Variants in HTN3 observed in about 807,000 individuals in gnomAD.
HTN3 encodes the protein histatin 3, also known as histatin-3.
In HTN3, 15 loss-of-function variants were observed where a neutral mutation model predicts 10.6. That is an observed-to-expected ratio of 1.42 (90% CI 0.95 to 2.18). HTN3 has a LOEUF of 2.18. Among genes scored for constraint, HTN3 ranks in the 30% most tolerant of loss-of-function variants. HTN3 has a pLI of 0.00. For synonymous variants in HTN3, 15 were observed against 16.9 expected (o/e 0.89, Z 0.27); for missense variants, 68 against 58.0 (o/e 1.17, Z -0.56).
intron 4 of HTN3, 80 bp downstream of exon 4, chr4:70,032,187 A>C: frequency 2.2e-6 from 2 of 899,630 alleles, no homozygotes; most frequent in Non-Finnish European, 3.5e-6. Context: ...ATTGATAGTT[A>C]TCTCTCAAAT....
intron 2 of HTN3, chr4:70,031,455 A>G (rs1279415514): frequency 6.5e-6 from 1 of 153,918 alleles, no homozygotes; most frequent in Admixed American, 6.5e-5. Flanking sequence ...GAATACTAAT[A>G]CTTCAACCTA....
Position 70,033,172 on chromosome 4 carries a change from G to T in HTN3, c.108G>T (p.Lys36Asn), listed in dbSNP as rs778142790. The change falls in exon 5 of 6, where the codon AAG (lysine) becomes AAT (asparagine). Residue 36 changes from lysine (K) to asparagine (N), a missense_variant. By Grantham distance (94) the Lys-to-Asn change is moderately conservative. Transcript: ENST00000673563. ...HHGYKRKFHE[K>N]HHSHRGYRSN... ...CTCCTTTTGTGTGTATGCAGGAAAAGCATCATTCACATCGAGGCTATAGAT... is the reference window on the plus strand; with the variant it reads ...CTCCTTTTGTGTGTATGCAGGAAAATCATCATTCACATCGAGGCTATAGAT... The T allele has an allele frequency of 6.2e-7, 1 of 1,605,630 alleles. No homozygotes were observed. Among genetic ancestry groups the T allele is most frequent in the Admixed American group, 1.7e-5 (1 of 59,590 alleles).
chr4:70,033,330 C>G (rs548868061), intron 5 of HTN3, 77 bp downstream of exon 5: 2 of 683,558 alleles, frequency 2.9e-6, no homozygotes, highest in African/African-American at 1.9e-5. Flanking sequence ...TAAAAAAAAG[C>G]CATTAAGCCA....
chr4:70,030,578 A>T, intron 1 of HTN3, 150 bp from the exon 2 acceptor site: 1 of 612,030 alleles, frequency 1.6e-6, no homozygotes, highest in Non-Finnish European at 3.0e-6. Context: ...GTGGTCCAGG[A>T]TGCAGTGATC....
intron 1 of HTN3, among the ~76,000 whole-genome samples, chr4:70,029,405 A>G (rs764070814): frequency 3.3e-5 from 5 of 152,072 alleles, no homozygotes; most frequent in Admixed American, 6.5e-5. Context: ...AAATGAATGA[A>G]GAAATAATAA....
At chr4:70,029,496 C>T (rs963834189) in intron 1 of HTN3, among the ~76,000 whole-genome samples, 11 of 151,790 alleles carry the variant, frequency 7.2e-5, no homozygotes, top group African/African-American at 1.5e-4. Flanking sequence ...AGATGAAAAA[C>T]GTTACTGTAA....
At chr4:70,029,338 T>C (rs189073829) in intron 1 of HTN3, among the ~76,000 whole-genome samples, 98 of 152,054 alleles carry the variant, frequency 6.4e-4, no homozygotes, top group African/African-American at 2.2e-3. Flanking sequence ...CTTCAAGAAA[T>C]ATATAATTTT....
chr4:70,030,907 C>A lies in HTN3; in HGVS notation c.51+116C>A, dbSNP rs1725370204. Reference sequence around the variant, plus strand: ...TCACCTCAATACAGCTTTAATATTTCTATGTAAAGATTTTCCTTGAATTAA... The same window carrying A: ...TCACCTCAATACAGCTTTAATATTTATATGTAAAGATTTTCCTTGAATTAA... On this transcript the variant is annotated intron_variant, in intron 2 of 5. Transcript: ENST00000673563. 1.4e-5 allele frequency: 11 copies of A among 790,944 alleles called. No homozygotes were observed. The South Asian group carries it at 1.7e-4, about 12-fold the overall frequency. The allele number at this position is 790,944 out of a possible 1,614,324, so 49.0% of individuals were successfully genotyped here.
chr4:70,035,273 A>G (rs1186276130), intron 5 of HTN3, among the ~76,000 whole-genome samples: 2 of 152,150 alleles, frequency 1.3e-5, no homozygotes, highest in African/African-American at 4.8e-5. Context: ...CCTGACCCTG[A>G]CAACTAGTTT....
chr4:70,031,376 T>C (rs549288192), intron 2 of HTN3: 1 of 153,520 alleles, frequency 6.5e-6, no homozygotes, highest in Non-Finnish European at 1.4e-5. Flanking sequence ...TTTCTCCTTC[T>C]CTACTTTCTC....
chr4:70,035,559 T>C (rs1725496186), intron 5 of HTN3, among the ~76,000 whole-genome samples: 1 of 152,210 alleles, frequency 6.6e-6, no homozygotes, highest in African/African-American at 2.4e-5. Flanking sequence ...TTACGTTTTA[T>C]GCCTAAGTAA....
rs1725519613 is a variant in HTN3, at chr4:70,036,525, C to CG, written c.*292_*293insG. On this transcript the variant is annotated 3_prime_UTR_variant, in exon 6 of 6. Transcript: ENST00000673563. ...CTCTCCAAAAGCAATAAAATTCAAG[C>CG]ACATTATTATGTGTATGCTCTTTAT... 6.6e-6 allele frequency: 1 copy of CG among 152,130 alleles called. No homozygotes were observed. The highest frequency in any genetic ancestry group is 6.5e-5 in the Admixed American group (1 of 15,270). The allele number at this position is 152,130 out of a possible 1,614,324, so 9.4% of individuals were successfully genotyped here. A position where few individuals can be genotyped will look rare whatever the true frequency, so the allele number is the denominator to read the frequency against.
rs755968352 is a variant in HTN3 at position 70,030,723 on chromosome 4, T to C, written c.-13-5T>C. On this transcript the variant is annotated splice_region_variant and splice_polypyrimidine_tract_variant and intron_variant, in intron 1 of 5. Transcript: ENST00000673563. ...ATTACTGATTTTTCATGTTTGATTTTATAGGACTCAGCCAACTATGAAGTT... is the reference window on the plus strand; with the variant it reads ...ATTACTGATTTTTCATGTTTGATTTCATAGGACTCAGCCAACTATGAAGTT... The C allele has an allele frequency of 1.3e-6, 2 of 1,593,120 alleles. No individual in the cohort carries two copies. The highest frequency in any genetic ancestry group is 1.7e-6 in the Non-Finnish European group (2 of 1,161,368).
rs188024947 is a variant in HTN3 at position 70,036,028 on chromosome 4, C to A, written c.*34-239C>A. Among the ~76,000 whole-genome samples the A allele has an allele frequency of 3.3e-3, 503 of 152,004 alleles. 7 individuals carry two copies. The highest frequency in any genetic ancestry group is 0.012 in the African/African-American group (477 of 41,438). On this transcript the variant is annotated intron_variant, in intron 5 of 5. Transcript: ENST00000673563. Reference sequence around the variant, plus strand: ...ATAAAATAAGATGATGATGGAAAACCTCAAGAAAAATTTAAATTTAAATTG... The same window carrying A: ...ATAAAATAAGATGATGATGGAAAACATCAAGAAAAATTTAAATTTAAATTG...
chr4:70,032,146 T>A, intron 4 of HTN3, 39 bp downstream of exon 4: 1 of 1,304,722 alleles, frequency 7.7e-7, no homozygotes, highest in Non-Finnish European at 1.1e-6. Context: ...TGAATAAGTT[T>A]TCTTCTCTGA....
chr4:70,031,824 A>G (rs941334006), intron 2 of HTN3, among the ~76,000 whole-genome samples, 155 bp from the exon 3 acceptor site: 4 of 152,088 alleles, frequency 2.6e-5, no homozygotes, highest in Non-Finnish European at 5.9e-5. Context: ...CATTTTAAAG[A>G]TGTCATAAAG....
intron 1 of HTN3, among the ~76,000 whole-genome samples, chr4:70,030,044 A>G (rs780378360): frequency 9.2e-5 from 14 of 152,120 alleles, no homozygotes; most frequent in Non-Finnish European, 2.1e-4. Flanking sequence ...AGCATTCTTA[A>G]TGTCATTATC....
intron 2 of HTN3, chr4:70,030,996 C>T: frequency 7.1e-6 from 3 of 423,546 alleles, no homozygotes; most frequent in Non-Finnish European, 8.4e-6. Flanking sequence ...CACTCAAGTA[C>T]AATTACTTGA....
intron 1 of HTN3, among the ~76,000 whole-genome samples, 199 bp from the exon 2 acceptor site, chr4:70,030,529 A>G (rs1725357202): frequency 6.6e-6 from 1 of 152,140 alleles, no homozygotes; most frequent in African/African-American, 2.4e-5. Context: ...CTACAAGTGG[A>G]ACTAGGGAGG....
Sources: allele counts gnomAD v4.1 joint callset (sites outside exome capture counted in the v4.1 genomes callset), GRCh38; gene constraint gnomAD v4.1.1; transcripts MANE v1.5; gene names NCBI Gene and HGNC (gene_info 2026-07-23, HGNC 2026-07-21).